The following MMS19 variants were observed in gnomAD, a reference collection of about 807,000 sequenced individuals.
MMS19 encodes MMS19 cytosolic iron-sulfur assembly component.
MMS19 carries 77 observed loss-of-function variants against 129.8 expected under a neutral mutation model. The ratio of observed to expected loss-of-function variants is 0.59; its 90% CI spans 0.49 to 0.72. The LOEUF (loss-of-function observed/expected upper bound fraction) is 0.72, where lower values mean the gene tolerates loss of function less well. MMS19 is among the 30% of genes least tolerant of loss of function. The pLI is 0.00. For synonymous variants in MMS19, 491 were observed against 502.8 expected (o/e 0.98, Z 0.31); for missense variants, 1,168 against 1,266.3 (o/e 0.92, Z 1.18).
intron 1 of MMS19, among the ~76,000 whole-genome samples, chr10:97,490,130 G>A (rs2038625253): frequency 1.3e-5 from 2 of 152,074 alleles, no homozygotes; most frequent in South Asian, 4.1e-4. Flanking sequence ...GTCTAGCTCT[G>A]TGCAGTAGTA....
chr10:97,470,939 G>GTTCTGCAGGGTTAC, intron 8 of MMS19, 78 bp from the exon 9 acceptor site: 1 of 1,174,162 alleles, frequency 8.5e-7, no homozygotes, highest in Non-Finnish European at 1.2e-6. Context: ...TGGTAACCCT[G>GTTCTGCAGGGTTAC]CAGAACAGGG....
At chr10:97,471,655 C>T (rs1480972990) in intron 8 of MMS19, among the ~76,000 whole-genome samples, 1 of 151,974 alleles carries the variant, frequency 6.6e-6, no homozygotes, top group Non-Finnish European at 1.5e-5. Flanking sequence ...GGGTTACAGG[C>T]GCACCAACAC....
At chr10:97,463,697 A>T (rs2032669509) in intron 19 of MMS19, among the ~76,000 whole-genome samples, 161 bp downstream of exon 19, 1 of 152,234 alleles carries the variant, frequency 6.6e-6, no homozygotes, top group African/African-American at 2.4e-5. Context: ...TCAGGGTGGC[A>T]CCCTTTGCTA....
chr10:97,461,652 C>A, intron 22 of MMS19, 30 bp from the exon 23 acceptor site: 2 of 1,590,306 alleles, frequency 1.3e-6, no homozygotes, highest in East Asian at 4.6e-5. Flanking sequence ...GTAATGGACC[C>A]AGAGAACACT....
At chr10:97,462,791 A>T in intron 19 of MMS19, 109 bp from the exon 20 acceptor site, 2 of 806,130 alleles carry the variant, frequency 2.5e-6, no homozygotes, top group Non-Finnish European at 4.1e-6. Flanking sequence ...TCTAGCCACG[A>T]CAGCAGTTCT....
intron 8 of MMS19, among the ~76,000 whole-genome samples, chr10:97,474,132 C>T (rs1429484992): frequency 3.5e-5 from 2 of 57,240 alleles, no homozygotes; most frequent in Admixed American, 4.0e-4. Flanking sequence ...CAGCCTGCCT[C>T]AAAAAAAAAA....
intron 3 of MMS19, among the ~76,000 whole-genome samples, chr10:97,479,502 G>T (rs547913648): frequency 1.5e-4 from 23 of 152,242 alleles, no homozygotes; most frequent in African/African-American, 5.3e-4. Flanking sequence ...TCTCTACAGG[G>T]GGGAATGTTG....
At chr10:97,495,885 G>A (rs1423517249) in intron 1 of MMS19, among the ~76,000 whole-genome samples, 2 of 152,220 alleles carry the variant, frequency 1.3e-5, no homozygotes, top group South Asian at 2.1e-4. Context: ...AGGCTCAAGC[G>A]ATTCTCCAGC....
intron 3 of MMS19, chr10:97,480,366 CA>C (rs1202464226): frequency 9.2e-6 from 4 of 437,100 alleles, no homozygotes; most frequent in South Asian, 3.3e-5. Context: ...TCCTTAAAAC[CA>C]AAAAAACAAA....
chr10:97,477,057 T>TC, intron 6 of MMS19, 94 bp from the exon 7 acceptor site: 1 of 1,575,242 alleles, frequency 6.3e-7, no homozygotes, highest in Non-Finnish European at 8.6e-7. Context: ...TATCATTGCC[T>TC]CCCCTTTCTC....
intron 1 of MMS19, among the ~76,000 whole-genome samples, chr10:97,496,773 A>C (rs2039874949): frequency 6.6e-6 from 1 of 152,232 alleles, no homozygotes. Context: ...AAAGGTTTAT[A>C]TATTCCATTT....
In MMS19 at chr10:97,466,890, G is replaced by A; in HGVS notation, c.1309C>T (p.Leu437=). Residue 437 remains leucine (L), a synonymous_variant, in exon 15 of 31, where the codon CTG becomes TTG. Transcript: ENST00000438925. ...WSYEDKDQRP[L]NGFKDQLCSL... ...CACAGCTGGTCCTTGAAGCCATTCA[G>A]AGGCCTTTGATCTAGGGAAGAGACA... 6.2e-7 allele frequency: 1 copy of A among 1,613,948 alleles called. No homozygotes were observed. The highest frequency in any genetic ancestry group is 2.2e-5 in the East Asian group (1 of 44,886).
At position 97,484,024 on chromosome 10, in the gene MMS19, A is replaced by G. The variant is rs2037359765; in HGVS notation, c.161+79T>C. On this transcript the variant is annotated intron_variant, in intron 2 of 30. Coordinates refer to ENST00000438925, the MANE Select transcript of MMS19 (RefSeq NM_022362.5). ...TACAAGACAAATTCAGGCTCCAGGA[A>G]AGCAGCAATGCGCAAAAGTAACTTT... 3 of 892,066 alleles carry G rather than the reference A, an allele frequency of 3.4e-6. No homozygotes were observed. In the African/African-American group the frequency reaches 5.1e-5, roughly 15 times the overall value. 55.3% of individuals were successfully genotyped at this position (892,066 alleles called of 1,614,324 possible).
chr10:97,491,712 C>T (rs1589805035), intron 1 of MMS19, among the ~76,000 whole-genome samples: 2 of 152,236 alleles, frequency 1.3e-5, no homozygotes, highest in South Asian at 2.1e-4. Context: ...AAAATGGCTG[C>T]TTTATAATTA....
At chr10:97,475,877 T>G (rs1488035697) in intron 8 of MMS19, among the ~76,000 whole-genome samples, 1 of 152,210 alleles carries the variant, frequency 6.6e-6, no homozygotes, top group Non-Finnish European at 1.5e-5. Flanking sequence ...GAATTCTGAT[T>G]ATGAAAGAGA....
chr10:97,496,530 A>G (rs983742877), intron 1 of MMS19, among the ~76,000 whole-genome samples: 6 of 147,358 alleles, frequency 4.1e-5, no homozygotes, highest in African/African-American at 7.5e-5. Context: ...AAAAAAAAAA[A>G]GAGAAGAATT....
intron 8 of MMS19, among the ~76,000 whole-genome samples, chr10:97,475,666 G>A (rs2035613386): frequency 6.6e-6 from 1 of 152,162 alleles, no homozygotes; most frequent in South Asian, 2.1e-4. Flanking sequence ...GAACCCAGGA[G>A]GCAGAGGTTG....
At position 97,466,802 on chromosome 10, in the gene MMS19, G is replaced by A. The variant is rs1422728606; in HGVS notation, c.1397C>T (p.Thr466Ile). Residue 466 changes from threonine to isoleucine, a missense_variant, in exon 15 of 31, where the codon ACA (threonine) becomes ATA (isoleucine). Thr to Ile is a moderately conservative substitution (Grantham distance 89). Transcript: ENST00000438925. ...TGGCTGGGCACCCAAGACTGTCAGT[G>A]TACGGATGCCAACAAGCTGAAGCTG... The part of the protein sequence containing the change: ...STQLQLVGIR[T>I]LTVLGAQPDL... 5 of 1,614,036 alleles carry A rather than the reference G, an allele frequency of 3.1e-6. No homozygotes were observed. The highest frequency in any genetic ancestry group is 1.3e-5 in the African/African-American group (1 of 75,056).
chr10:97,484,383 G>A (rs1198605589), intron 1 of MMS19, among the ~76,000 whole-genome samples: 4 of 151,952 alleles, frequency 2.6e-5, no homozygotes, highest in East Asian at 3.8e-4. Context: ...TGACATGAGC[G>A]TATATCCTGA....
Sources: gnomAD v4.1 joint callset for allele counts (sites outside exome capture counted in the v4.1 genomes callset) on GRCh38, gnomAD v4.1.1 for gene constraint, MANE v1.5 for transcripts, NCBI Gene and HGNC (gene_info 2026-07-23, HGNC 2026-07-21) for gene names.